TSPAN19: variants seen among roughly 807,000 people sequenced by gnomAD.
The protein encoded by TSPAN19 is tetraspanin 19.
In TSPAN19, 44 loss-of-function variants were observed where a neutral mutation model predicts 35.1. The observed-to-expected ratio is 1.25, with a 90% CI of 0.98 to 1.61. TSPAN19 has a LOEUF of 1.61. Ranked by LOEUF, TSPAN19 falls within the 40% of genes most tolerant of loss-of-function variation. The pLI, the probability that TSPAN19 is intolerant of heterozygous loss-of-function variation, is 0.00. For missense variants in TSPAN19, 290 were observed against 280.0 expected (o/e 1.04, Z -0.26); for synonymous variants, 79 against 92.0 (o/e 0.86, Z 0.81).
intron 1 of TSPAN19, chr12:85,035,209 A>G (rs1278978771): frequency 6.6e-6 from 1 of 152,054 alleles, no homozygotes; most frequent in Admixed American, 6.6e-5. Flanking sequence ...AGTGAGCAAT[A>G]ATTGTACCAC....
chr12:85,029,719 C>A lies in TSPAN19; in HGVS notation c.139G>T (p.Asp47Tyr), dbSNP rs955488949. The A allele has an allele frequency of 7.8e-6, 12 of 1,537,252 alleles. No homozygotes were observed. Among genetic ancestry groups the A allele is most frequent in the Non-Finnish European group, 1.1e-5 (12 of 1,142,108 alleles). Residue 47 changes from aspartate (D) to tyrosine (Y), a missense_variant and splice_region_variant, in exon 3 of 9, where the codon GAT becomes TAT. Asp to Tyr is a radical substitution (Grantham distance 160, BLOSUM62 -3). Transcript: ENST00000532498. ...LDRNNFLTAF[D>Y]ENNHFIVPIS... ...GAGAAAAACAAAAATAGATACATAC[C>A]AAAAGCTGTTAAAAAATTATTTCTA...
intron 1 of TSPAN19, among the ~76,000 whole-genome samples, chr12:85,031,145 T>C (rs1420398709): frequency 6.6e-6 from 1 of 152,134 alleles, no homozygotes; most frequent in Non-Finnish European, 1.5e-5. Context: ...AGTGTTCTTC[T>C]CAGTTTACGG....
chr12:85,035,992 A>G (rs1288153923), intron 1 of TSPAN19, among the ~76,000 whole-genome samples: 1 of 151,996 alleles, frequency 6.6e-6, no homozygotes, highest in Non-Finnish European at 1.5e-5. Context: ...CTTCTCTTCC[A>G]TACTTCTATG....
chr12:85,033,762 C>T (rs1284618902), intron 1 of TSPAN19, among the ~76,000 whole-genome samples: 1 of 152,102 alleles, frequency 6.6e-6, no homozygotes, highest in African/African-American at 2.4e-5. Flanking sequence ...ATAAACCACC[C>T]TCTCAATAAC....
chr12:85,033,977 C>T (rs1441094453), intron 1 of TSPAN19, among the ~76,000 whole-genome samples: 1 of 151,994 alleles, frequency 6.6e-6, no homozygotes, highest in East Asian at 1.9e-4. Context: ...ATACAAGAGT[C>T]ATGCATGTGA....
chr12:85,028,335 A>G (rs1470719719), intron 3 of TSPAN19, among the ~76,000 whole-genome samples: 3 of 152,190 alleles, frequency 2.0e-5, no homozygotes, highest in Non-Finnish European at 4.4e-5. Context: ...ATCTATGTCC[A>G]ATGTATATTC....
At chr12:85,019,386 T>G (rs1876993046) in intron 6 of TSPAN19, among the ~76,000 whole-genome samples, 1 of 151,920 alleles carries the variant, frequency 6.6e-6, no homozygotes, top group Admixed American at 6.6e-5. Context: ...CAGCAGCACT[T>G]TTCCAGGTGA....
At chr12:85,018,616 T>G (rs1447968000) in intron 6 of TSPAN19, among the ~76,000 whole-genome samples, 1 of 151,948 alleles carries the variant, frequency 6.6e-6, no homozygotes, top group Non-Finnish European at 1.5e-5. Flanking sequence ...GTAAAAGTAT[T>G]TGTAATTACA....
intron 5 of TSPAN19, among the ~76,000 whole-genome samples, chr12:85,021,658 G>T (rs540782146): frequency 1.2e-4 from 18 of 152,074 alleles, no homozygotes; most frequent in Admixed American, 3.9e-4. Context: ...TCTATGAAAG[G>T]CCTAGTTTAT....
At chr12:85,027,471 A>G (rs768635196) in intron 4 of TSPAN19, among the ~76,000 whole-genome samples, 7 of 152,168 alleles carry the variant, frequency 4.6e-5, no homozygotes, top group Admixed American at 2.0e-4. Context: ...ACATACATAC[A>G]TAAGTTACCT....
chr12:85,027,806 G>A (rs763373191), intron 4 of TSPAN19, 93 bp downstream of exon 4: 405 of 1,255,320 alleles, frequency 3.2e-4, no homozygotes, highest in Non-Finnish European at 4.2e-4. Flanking sequence ...CTCTACTGCA[G>A]TGCCATGCTA....
chr12:85,017,492 C>T lies in TSPAN19; in HGVS notation c.558G>A (p.Trp186Ter). The stretch of plus-strand genomic sequence containing the variant: ...TTGCATTCAGTGGCTCATCACAAAA[C>T]CATTTTCTTAAAGTTGACTTTGTGC... ...CSCTKSTLRK[W>*]FCDEPLNATY... Residue 186 changes from tryptophan (W) to a stop codon, truncating the protein, a stop_gained, in exon 7 of 9, where the codon TGG (tryptophan) becomes TGA (stop). Transcript: ENST00000532498. LOFTEE classifies it high-confidence loss of function. 6.2e-7 allele frequency: 1 copy of T among 1,608,992 alleles called. No homozygotes were observed. Among genetic ancestry groups the T allele is most frequent in the Non-Finnish European group, 8.5e-7 (1 of 1,177,304 alleles).
intron 4 of TSPAN19, 67 bp from the exon 5 acceptor site, chr12:85,023,467 G>A: frequency 8.0e-7 from 1 of 1,245,902 alleles, no homozygotes; most frequent in Non-Finnish European, 1.1e-6. Context: ...CTCAAATAAT[G>A]GGAAAACACA....
intron 4 of TSPAN19, among the ~76,000 whole-genome samples, chr12:85,027,695 AGAT>A (rs1200190695): frequency 1.3e-5 from 2 of 152,198 alleles, no homozygotes; most frequent in Non-Finnish European, 2.9e-5. Flanking sequence ...GCTGAGGTAC[AGAT>A]TCAATTCATA....
At chr12:85,023,960 G>C (rs1016313921) in intron 4 of TSPAN19, among the ~76,000 whole-genome samples, 1 of 151,684 alleles carries the variant, frequency 6.6e-6, no homozygotes, top group African/African-American at 2.4e-5. Flanking sequence ...CATCATAGCT[G>C]TTGTCCACCT....
chr12:85,022,224 C>T (rs991622087), intron 5 of TSPAN19, among the ~76,000 whole-genome samples: 25 of 152,040 alleles, frequency 1.6e-4, no homozygotes, highest in East Asian at 1.4e-3. Flanking sequence ...CACAAACACA[C>T]GCACACACAC....
intron 1 of TSPAN19, 61 bp from the exon 2 acceptor site, chr12:85,030,034 A>G (rs1877612076): frequency 8.2e-7 from 1 of 1,224,140 alleles, no homozygotes; most frequent in Middle Eastern, 3.0e-4. Flanking sequence ...ATTTCTCCCT[A>G]CTTATGTTCT....
At position 85,029,970 on chromosome 12, in the gene TSPAN19, G is replaced by A. The variant is rs201990491; in HGVS notation, c.-24C>T. 2.3e-3 allele frequency: 3,195 copies of A among 1,403,286 alleles called. 14 individuals carry two copies. Among genetic ancestry groups the A allele is most frequent in the South Asian group, 4.8e-3 (346 of 72,440 alleles). The allele number at this position is 1,403,286 out of a possible 1,614,324, so 86.9% of individuals were successfully genotyped here. ...ATTCTTTTTCTTCCAAGATATTGAT[G>A]ATTCTGAAAAGACAACCATAACTTT... On this transcript the variant is annotated 5_prime_UTR_variant, in exon 2 of 9. Transcript: ENST00000532498.
At chr12:85,020,140 G>A (rs1277289203) in intron 5 of TSPAN19, among the ~76,000 whole-genome samples, 1 of 151,660 alleles carries the variant, frequency 6.6e-6, no homozygotes. Context: ...GATTCTGTGG[G>A]GGTTTGTACT....
Sources: allele counts gnomAD v4.1 joint callset (sites outside exome capture counted in the v4.1 genomes callset), GRCh38; gene constraint gnomAD v4.1.1; transcripts MANE v1.5; gene names NCBI Gene and HGNC (gene_info 2026-07-23, HGNC 2026-07-21).